Variants in ABTB2 observed in about 807,000 individuals in gnomAD.
ABTB2 encodes the protein ankyrin repeat and BTB domain containing 2, also known as ankyrin repeat and BTB/POZ domain-containing protein 2.
ABTB2 carries 56 observed loss-of-function variants against 104.1 expected under a neutral mutation model. That is an observed-to-expected ratio of 0.54 (90% CI 0.43 to 0.67). ABTB2 has a LOEUF of 0.67. ABTB2 is among the 30% of genes least tolerant of loss of function. The probability of loss-of-function intolerance (pLI) is 0.00; values close to 1 mark genes in which losing one functional copy is unlikely to be tolerated. For synonymous variants in ABTB2, 606 were observed against 608.2 expected, an observed-to-expected ratio of 1.00 and a Z score of 0.05; for missense variants, 1,279 against 1,407.7, an observed-to-expected ratio of 0.91 and a Z score of 1.46.
Position 34,164,729 on chromosome 11 carries a change from C to T in ABTB2, c.1945G>A (p.Glu649Lys), listed in dbSNP as rs373433790. 1.2e-5 allele frequency: 18 copies of T among 1,552,814 alleles called. No homozygotes were observed. The highest frequency in any genetic ancestry group is 4.9e-5 in the East Asian group (2 of 40,936). ...EAHGMGSSLH[E>K]DMNCFSHSAA... ...GAGTGGCTGAAGCAGTTCATGTCCTCGTGGAGGGAGGAGCCCATGCCGTGG... is the reference window on the plus strand; with the variant it reads ...GAGTGGCTGAAGCAGTTCATGTCCTTGTGGAGGGAGGAGCCCATGCCGTGG... Residue 649 changes from glutamate to lysine, a missense_variant, in exon 9 of 17, where the codon GAG (glutamate) becomes AAG (lysine). Physicochemically the swap from Glu to Lys is moderately conservative, Grantham distance 56. Transcript: ENST00000435224.
In ABTB2 at chr11:34,170,920, T is replaced by C; in HGVS notation, c.1549A>G (p.Thr517Ala). 1 of 1,614,112 alleles carries C rather than the reference T, an allele frequency of 6.2e-7. No homozygotes were observed. Among genetic ancestry groups the C allele is most frequent in the Non-Finnish European group, 8.5e-7 (1 of 1,180,000 alleles). The change falls in exon 5 of 17, where the codon ACC (threonine) becomes GCC (alanine). Residue 517 changes from threonine (T) to alanine (A), a missense_variant. By Grantham distance (58) the Thr-to-Ala change is moderately conservative (BLOSUM62 0). Coordinates refer to ENST00000435224, the MANE Select transcript of ABTB2 (RefSeq NM_145804.3). ...IEALGPDGVN[T>A]MDDQGMTPLM... ...TCAGGACGTACCTGGTCATCCATGGTGTTAACCCCATCCGGACCCAAGGCC... is the reference window on the plus strand; with the variant it reads ...TCAGGACGTACCTGGTCATCCATGGCGTTAACCCCATCCGGACCCAAGGCC...
chr11:34,267,791 C>T (rs1053642655), intron 1 of ABTB2, among the ~76,000 whole-genome samples: 12 of 135,252 alleles, frequency 8.9e-5, no homozygotes, highest in African/African-American at 4.0e-4. Context: ...GCCTTGCACA[C>T]GGGGGTTTTT....
intron 1 of ABTB2, among the ~76,000 whole-genome samples, chr11:34,350,288 C>T (rs887984857): frequency 1.3e-5 from 2 of 152,148 alleles, no homozygotes; most frequent in African/African-American, 4.8e-5. Flanking sequence ...AGGACAGGTG[C>T]ACCAAGCTCC....
Position 34,160,306 on chromosome 11 carries a change from A to G in ABTB2, c.2445T>C (p.Tyr815=), listed in dbSNP as rs116444349. Residue 815 remains tyrosine (Y), a synonymous_variant, in exon 12 of 17, where the codon TAT becomes TAC. Transcript: ENST00000435224. ...QQLATIFTHC[Y]GSSPIPSIPE... Reference sequence around the variant, plus strand: ...GGATGCTGGGGATGGGACTGCTGCCATAGCAGTGGGTGAAGATGGTAGCCA... The same window carrying G: ...GGATGCTGGGGATGGGACTGCTGCCGTAGCAGTGGGTGAAGATGGTAGCCA... The G allele has an allele frequency of 1.3e-3, 2,075 of 1,614,170 alleles. 30 individuals are homozygous for G. The African/African-American group carries it at 0.023, about 18-fold the overall frequency.
At chr11:34,209,831 G>A (rs1327708732) in intron 1 of ABTB2, among the ~76,000 whole-genome samples, 3 of 119,218 alleles carry the variant, frequency 2.5e-5, no homozygotes, top group Non-Finnish European at 5.4e-5. Context: ...TGAGGATGGG[G>A]TGAGGGGTTG....
intron 1 of ABTB2, among the ~76,000 whole-genome samples, chr11:34,290,199 A>G (rs1413538677): frequency 2.6e-5 from 4 of 152,242 alleles, no homozygotes; most frequent in Non-Finnish European, 5.9e-5. Flanking sequence ...GAACTACAGC[A>G]AGTGTCTTTC....
chr11:34,159,161 T>A, intron 14 of ABTB2, 135 bp downstream of exon 14: 1 of 675,594 alleles, frequency 1.5e-6, no homozygotes, highest in Non-Finnish European at 2.6e-6. Flanking sequence ...ACCTGGATGC[T>A]CTATTCATTC....
At chr11:34,298,435 A>C (rs1349052014) in intron 1 of ABTB2, among the ~76,000 whole-genome samples, 2 of 149,432 alleles carry the variant, frequency 1.3e-5, no homozygotes. Flanking sequence ...TAAACCAATT[A>C]CTTTTTTTCT....
intron 1 of ABTB2, among the ~76,000 whole-genome samples, chr11:34,212,254 G>A (rs1027499992): frequency 2.0e-5 from 3 of 151,894 alleles, no homozygotes; most frequent in Admixed American, 6.6e-5. Flanking sequence ...ACGGGGTTTC[G>A]CCATGTTGGC....
intron 14 of ABTB2, 34 bp downstream of exon 14, chr11:34,159,262 C>A (rs1263662208): frequency 6.4e-7 from 1 of 1,566,396 alleles, no homozygotes; most frequent in Non-Finnish European, 8.8e-7. Context: ...AGGGTCATCC[C>A]TCTGAGAAGA....
At chr11:34,196,020 A>C (rs922308347) in intron 3 of ABTB2, among the ~76,000 whole-genome samples, 9 of 152,032 alleles carry the variant, frequency 5.9e-5, no homozygotes, top group African/African-American at 2.2e-4. Context: ...GGCTTCACTG[A>C]GTGGTGAAAT....
intron 1 of ABTB2, among the ~76,000 whole-genome samples, chr11:34,243,613 A>C (rs1398587264): frequency 2.0e-5 from 3 of 152,260 alleles, no homozygotes; most frequent in African/African-American, 7.2e-5. Context: ...ACGCGATTTT[A>C]CAGATTTATT....
At chr11:34,160,874 C>T in intron 11 of ABTB2, 29 bp downstream of exon 11, 2 of 1,576,578 alleles carry the variant, frequency 1.3e-6, no homozygotes, top group Non-Finnish European at 1.7e-6. Context: ...GGGCCGTGGG[C>T]TTGGGAACTG....
intron 3 of ABTB2, among the ~76,000 whole-genome samples, chr11:34,181,997 C>T (rs1019829112): frequency 6.6e-6 from 1 of 152,244 alleles, no homozygotes; most frequent in Non-Finnish European, 1.5e-5. Context: ...TGCTCCCATG[C>T]TCCTCCCTGT....
chr11:34,280,516 G>A (rs1332732629), intron 1 of ABTB2, among the ~76,000 whole-genome samples: 1 of 152,084 alleles, frequency 6.6e-6, no homozygotes, highest in Non-Finnish European at 1.5e-5. Context: ...AGGTCTGGGA[G>A]GCAGGATAGC....
chr11:34,205,243 T>G (rs1853395439), intron 1 of ABTB2, among the ~76,000 whole-genome samples: 1 of 152,238 alleles, frequency 6.6e-6, no homozygotes, highest in Admixed American at 6.5e-5. Context: ...CCTTTCCCCA[T>G]GCTGGGAGCA....
At chr11:34,195,194 T>C (rs998071517) in intron 3 of ABTB2, among the ~76,000 whole-genome samples, 2 of 151,720 alleles carry the variant, frequency 1.3e-5, no homozygotes, top group African/African-American at 4.8e-5. Flanking sequence ...AAGGCGCCTG[T>C]CCTCCCAGTC....
chr11:34,192,418 G>A (rs530047737), intron 3 of ABTB2, among the ~76,000 whole-genome samples: 22 of 152,278 alleles, frequency 1.4e-4, no homozygotes, highest in Non-Finnish European at 2.6e-4. Flanking sequence ...TCAAATGCAC[G>A]CCTTTGAATA....
At chr11:34,329,248 A>T (rs902863874) in intron 1 of ABTB2, among the ~76,000 whole-genome samples, 1 of 152,222 alleles carries the variant, frequency 6.6e-6, no homozygotes, top group Non-Finnish European at 1.5e-5. Flanking sequence ...TACTCTCATT[A>T]ATGGTCTGTT....
Sources: gnomAD v4.1 joint callset for allele counts (sites outside exome capture counted in the v4.1 genomes callset) on GRCh38, gnomAD v4.1.1 for gene constraint, MANE v1.5 for transcripts, NCBI Gene and HGNC (gene_info 2026-07-23, HGNC 2026-07-21) for gene names.